Variants in CSMD1 observed in about 807,000 individuals in gnomAD.
The protein encoded by CSMD1 is CUB and sushi domain-containing protein 1.
Under a neutral mutation model 417.5 loss-of-function variants are expected in CSMD1, and 213 were observed. The ratio of observed to expected loss-of-function variants is 0.51; its 90% confidence interval spans 0.46 to 0.57. The LOEUF is 0.57. CSMD1 is among the 20% of genes least tolerant of loss of function. CSMD1 has a pLI of 0.00. For synonymous variants in CSMD1, 2,862 were observed against 1,736.8 expected, an observed-to-expected ratio of 1.65 and a Z score of -16.11; for missense variants, 6,923 against 4,529.7, an observed-to-expected ratio of 1.53 and a Z score of -15.17.
At chr8:4,730,959 G>A (rs1039511707) in intron 1 of CSMD1, among the ~76,000 whole-genome samples, 3 of 151,966 alleles carry the variant, frequency 2.0e-5, no homozygotes, top group Non-Finnish European at 4.4e-5. Context: ...TGCCTATTGG[G>A]GTGATTTTAC....
intron 6 of CSMD1, among the ~76,000 whole-genome samples, chr8:3,746,584 G>C (rs1226121086): frequency 6.6e-6 from 1 of 152,134 alleles, no homozygotes; most frequent in Admixed American, 6.6e-5. Context: ...CCATTAGTCT[G>C]CGTGGGATTT....
intron 3 of CSMD1, among the ~76,000 whole-genome samples, chr8:4,356,933 T>A (rs1801464525): frequency 6.6e-6 from 1 of 152,226 alleles, no homozygotes; most frequent in South Asian, 2.1e-4. Context: ...TTTTTAAATG[T>A]CAATATGTGA....
chr8:3,070,018 T>G (rs1223162799), intron 49 of CSMD1, among the ~76,000 whole-genome samples: 1 of 152,208 alleles, frequency 6.6e-6, no homozygotes, highest in Non-Finnish European at 1.5e-5. Flanking sequence ...GGGTCTGAGC[T>G]GCACCTGGGC....
At chr8:3,475,366 A>C (rs576432621) in intron 11 of CSMD1, among the ~76,000 whole-genome samples, 9 of 152,108 alleles carry the variant, frequency 5.9e-5, no homozygotes, top group East Asian at 3.9e-4. Flanking sequence ...ATAAATCAAT[A>C]AATAAAAATA....
intron 10 of CSMD1, among the ~76,000 whole-genome samples, chr8:3,567,646 C>G (rs571672554): frequency 4.6e-5 from 7 of 152,058 alleles, no homozygotes; most frequent in East Asian, 1.9e-4. Flanking sequence ...AAATTCCCAG[C>G]CTTGTTTACC....
intron 2 of CSMD1, among the ~76,000 whole-genome samples, chr8:4,456,215 C>A (rs1382900900): frequency 2.6e-5 from 4 of 151,658 alleles, no homozygotes; most frequent in Admixed American, 6.6e-5. Flanking sequence ...AAAGCTTGGG[C>A]CAATTGGTTC....
At chr8:4,755,301 A>G (rs4875379) in intron 1 of CSMD1, among the ~76,000 whole-genome samples, 13,910 of 152,220 alleles carry the variant, frequency 0.091, 836 homozygotes, top group East Asian at 0.32. Context: ...TTTCTTCTTT[A>G]TAGCACTTGA....
rs891980388 is a variant in CSMD1, at chr8:4,844,294, C to T, written c.85+150038G>A. Reference sequence around the variant, plus strand: ...CGGTGTTTTTGTTTACCTAAATGTCCTCCAGCATCAGTAGATAGTGCCGTT... The same window carrying T: ...CGGTGTTTTTGTTTACCTAAATGTCTTCCAGCATCAGTAGATAGTGCCGTT... On this transcript the variant is annotated intron_variant, in intron 1 of 69. Transcript: ENST00000635120. Among the ~76,000 whole-genome samples, 11 of 152,154 alleles carry T rather than the reference C, an allele frequency of 7.2e-5. No individual in the cohort carries two copies. In the South Asian group the frequency reaches 1.9e-3, roughly 26 times the overall value.
chr8:4,442,081 G>T (rs1360975823), intron 2 of CSMD1, among the ~76,000 whole-genome samples: 1 of 152,112 alleles, frequency 6.6e-6, no homozygotes, highest in Non-Finnish European at 1.5e-5. Flanking sequence ...CAGAGTTTGA[G>T]TTGTAGAAAC....
intron 18 of CSMD1, among the ~76,000 whole-genome samples, chr8:3,374,374 T>A (rs78956896): frequency 6.6e-6 from 1 of 152,212 alleles, no homozygotes; most frequent in Non-Finnish European, 1.5e-5. Flanking sequence ...CAAACACTCA[T>A]TGATGCTTCT....
In CSMD1 at chr8:4,390,495, A is replaced by ATTT. The variant is rs1554457294; in HGVS notation, c.415+29455_415+29457dup. On this transcript the variant is annotated intron_variant, in intron 3 of 69. Transcript: ENST00000635120. ...AAAACTGTTACCCACAGAAGCGTCC[A>ATTT]TTTTTATTTATTTATTTATTTATTT... Among the ~76,000 whole-genome samples, 32 of 26,532 alleles carry ATTT rather than the reference A, an allele frequency of 1.2e-3. 4 individuals carry two copies. Among genetic ancestry groups the ATTT allele is most frequent in the South Asian group, 1.9e-3 (2 of 1,058 alleles). The allele number at this position is 26,532 out of a possible 152,430, so 17.4% of individuals were successfully genotyped here.
At chr8:4,159,598 T>C (rs1215443475) in intron 3 of CSMD1, among the ~76,000 whole-genome samples, 1 of 152,106 alleles carries the variant, frequency 6.6e-6, no homozygotes, top group African/African-American at 2.4e-5. Context: ...CCATTATTAT[T>C]ATTATTGTGA....
chr8:3,481,444 G>C (rs1585228896), intron 11 of CSMD1, among the ~76,000 whole-genome samples: 1 of 152,102 alleles, frequency 6.6e-6, no homozygotes, highest in African/African-American at 2.4e-5. Context: ...CTAAATGCAA[G>C]TGCAGTTTCC....
At chr8:4,964,360 AG>A (rs928142185) in intron 1 of CSMD1, among the ~76,000 whole-genome samples, 2 of 151,884 alleles carry the variant, frequency 1.3e-5, no homozygotes, top group Non-Finnish European at 2.9e-5. Context: ...AAAAAGTACA[AG>A]AAAAAAAATA....
intron 1 of CSMD1, among the ~76,000 whole-genome samples, chr8:4,898,906 A>T (rs759516937): frequency 1.3e-5 from 2 of 152,202 alleles, no homozygotes; most frequent in East Asian, 3.8e-4. Flanking sequence ...TTATCGTTTA[A>T]TAAGATTAGA....
intron 3 of CSMD1, among the ~76,000 whole-genome samples, chr8:4,296,632 T>C (rs149248594): frequency 0.018 from 2,542 of 137,900 alleles, 21 homozygotes; most frequent in Middle Eastern, 0.052. Context: ...ATTTAGTTAA[T>C]ATTCACTATT....
chr8:4,409,141 A>G (rs574715496), intron 3 of CSMD1, among the ~76,000 whole-genome samples: 3 of 152,330 alleles, frequency 2.0e-5, no homozygotes, highest in Admixed American at 1.3e-4. Context: ...TTAATGTACT[A>G]TACCTGTATT....
chr8:4,334,277 G>A (rs1054635922), intron 3 of CSMD1, among the ~76,000 whole-genome samples: 3 of 152,096 alleles, frequency 2.0e-5, no homozygotes, highest in Admixed American at 6.6e-5. Flanking sequence ...TGCCTTACAC[G>A]TGTTTGGTCA....
chr8:3,462,269 G>C (rs969159272), intron 12 of CSMD1, among the ~76,000 whole-genome samples: 3 of 152,134 alleles, frequency 2.0e-5, no homozygotes. Flanking sequence ...CAGTTTGGAA[G>C]ACTATACAGT....
Sources: gnomAD v4.1 joint callset for allele counts (sites outside exome capture counted in the v4.1 genomes callset) on GRCh38, gnomAD v4.1.1 for gene constraint, MANE v1.5 for transcripts, NCBI Gene and HGNC (gene_info 2026-07-23, HGNC 2026-07-21) for gene names.